The following COL6A6 variants were observed in gnomAD, a reference collection of about 807,000 sequenced individuals.
COL6A6 encodes the protein collagen type VI alpha 6 chain, also known as collagen alpha-6(VI) chain.
In COL6A6, 183 loss-of-function variants were observed where a neutral mutation model predicts 208.6. That is an observed-to-expected ratio of 0.88 (90% CI 0.78 to 0.99). COL6A6 has a LOEUF of 0.99. Among genes scored for constraint, COL6A6 ranks in the 50% least tolerant of loss-of-function variants. The probability of loss-of-function intolerance (pLI) is 0.00; values close to 1 mark genes in which losing one functional copy is unlikely to be tolerated. For missense variants in COL6A6, 2,816 were observed against 2,815.2 expected, an observed-to-expected ratio of 1.00 and a Z score of -0.01; for synonymous variants, 973 against 1,011.8, an observed-to-expected ratio of 0.96 and a Z score of 0.73.
intron 34 of COL6A6, among the ~76,000 whole-genome samples, chr3:130,659,561 T>C (rs2065886985): frequency 6.6e-6 from 1 of 152,250 alleles, no homozygotes; most frequent in Admixed American, 6.5e-5. Flanking sequence ...TCATTCAGTC[T>C]TTAAAATCAC....
intron 32 of COL6A6, 41 bp downstream of exon 32, chr3:130,645,043 A>C: frequency 6.3e-7 from 1 of 1,587,772 alleles, no homozygotes. Flanking sequence ...ATCAAGCTCT[A>C]AAATGTCATA....
At chr3:130,522,640 G>C (rs529321529) in intron 1 of COL6A6, among the ~76,000 whole-genome samples, 1 of 152,222 alleles carries the variant, frequency 6.6e-6, no homozygotes, top group South Asian at 2.1e-4. Flanking sequence ...TGCACCACAA[G>C]TCCAACAAGT....
chr3:130,616,173 G>T (rs2064514118), intron 23 of COL6A6, among the ~76,000 whole-genome samples: 1 of 152,068 alleles, frequency 6.6e-6, no homozygotes, highest in South Asian at 2.1e-4. Flanking sequence ...AGATACACAA[G>T]AGAGTATTAT....
At chr3:130,600,662 A>C in intron 20 of COL6A6, among the ~76,000 whole-genome samples, 1 of 152,192 alleles carries the variant, frequency 6.6e-6, no homozygotes, top group Middle Eastern at 3.2e-3. Context: ...GGAGTTGAAC[A>C]TTGAGAACAC....
chr3:130,579,009 C>G (rs1003060286), intron 8 of COL6A6, among the ~76,000 whole-genome samples: 28 of 152,188 alleles, frequency 1.8e-4, no homozygotes, highest in African/African-American at 6.8e-4. Context: ...CAGTCCCTAG[C>G]TATACTTTAT....
chr3:130,644,365 TCAAATGTGGCTAGTG>T (rs2065405868), intron 31 of COL6A6, among the ~76,000 whole-genome samples: 1 of 152,184 alleles, frequency 6.6e-6, no homozygotes, highest in Non-Finnish European at 1.5e-5. Context: ...TTTGAGCATT[TCAAATGTGGCTAGTG>T]CAACTGAGAA....
intron 6 of COL6A6, among the ~76,000 whole-genome samples, chr3:130,569,162 C>T (rs956949442): frequency 6.6e-6 from 1 of 152,142 alleles, no homozygotes; most frequent in African/African-American, 2.4e-5. Context: ...GGTGGCTCCT[C>T]TTTGACCTAC....
intron 29 of COL6A6, among the ~76,000 whole-genome samples, chr3:130,642,275 GTGTGTGTGTGTA>G: frequency 7.4e-6 from 1 of 135,808 alleles, no homozygotes; most frequent in South Asian, 2.6e-4. Context: ...GTGTGTGTGT[GTGTGTGTGTGTA>G]TTTTTTGTTT....
At chr3:130,584,351 G>A (rs950528585) in intron 10 of COL6A6, among the ~76,000 whole-genome samples, 14 of 152,160 alleles carry the variant, frequency 9.2e-5, no homozygotes, top group African/African-American at 3.4e-4. Context: ...TCTCTTATAA[G>A]TAGATCCATT....
rs557324831 is a variant in COL6A6 at position 130,592,732 on chromosome 3, C to G, written c.4371+10C>G. 2 of 1,606,884 alleles carry G rather than the reference C, an allele frequency of 1.2e-6. No individual in the cohort carries two copies. The highest frequency in any genetic ancestry group is 3.3e-5 in the Admixed American group (2 of 59,916). On this transcript the variant is annotated intron_variant, in intron 15 of 36. Coordinates refer to ENST00000358511, the MANE Select transcript of COL6A6 (RefSeq NM_001102608.3). ...ACTAAATGGACAGGAGGTATGTTAC[C>G]AGGCACATCCATTTACCTACCCATA...
At chr3:130,557,971 C>T (rs371805288) in intron 1 of COL6A6, among the ~76,000 whole-genome samples, 1 of 152,138 alleles carries the variant, frequency 6.6e-6, no homozygotes, top group South Asian at 2.1e-4. Flanking sequence ...TTACTTGATT[C>T]AGAATGAATT....
intron 33 of COL6A6, among the ~76,000 whole-genome samples, chr3:130,656,757 A>AC (rs920640230): frequency 6.6e-6 from 1 of 151,776 alleles, no homozygotes; most frequent in East Asian, 1.9e-4. Context: ...TGCCCTGAGA[A>AC]CCCCCCTTGG....
chr3:130,543,158 C>G (rs1486304199), intron 1 of COL6A6, among the ~76,000 whole-genome samples: 1 of 152,106 alleles, frequency 6.6e-6, no homozygotes, highest in Admixed American at 6.5e-5. Flanking sequence ...CCCACCTCGG[C>G]CTCCCAAAGT....
intron 23 of COL6A6, among the ~76,000 whole-genome samples, chr3:130,615,717 A>C (rs1419110127): frequency 6.6e-6 from 1 of 152,216 alleles, no homozygotes; most frequent in Non-Finnish European, 1.5e-5. Flanking sequence ...TTTGTTAAAG[A>C]TGGAAATGCC....
intron 24 of COL6A6, 112 bp from the exon 25 acceptor site, chr3:130,626,373 C>A: frequency 1.3e-6 from 1 of 790,856 alleles, no homozygotes; most frequent in Admixed American, 1.9e-5. Context: ...ATCACTTGCA[C>A]GACACACAGT....
At chr3:130,550,517 T>G (rs1006865790) in intron 1 of COL6A6, among the ~76,000 whole-genome samples, 19 of 152,206 alleles carry the variant, frequency 1.2e-4, no homozygotes, top group Non-Finnish European at 2.5e-4. Flanking sequence ...AAAAAGAGGT[T>G]TAATTGCACT....
intron 1 of COL6A6, among the ~76,000 whole-genome samples, chr3:130,544,346 T>C (rs2062443106): frequency 6.6e-6 from 1 of 152,352 alleles, no homozygotes; most frequent in South Asian, 2.1e-4. Context: ...GATATCCTTT[T>C]TTAAGGCTGA....
intron 24 of COL6A6, among the ~76,000 whole-genome samples, chr3:130,622,288 T>C (rs933071661): frequency 6.7e-6 from 1 of 148,870 alleles, no homozygotes; most frequent in African/African-American, 2.5e-5. Flanking sequence ...TACTGAGCGT[T>C]CGGTTGGGCT....
At position 130,519,431 on chromosome 3, in the gene COL6A6, T is replaced by C. The variant is rs773924672; in HGVS notation, c.-32+2034T>C. ...GTTGTAATCTAAGAATACTCATTCC[T>C]ACAGTCCTAAGAAATAAGTAGGAAG... On this transcript the variant is annotated intron_variant, in intron 1 of 36. Coordinates refer to ENST00000358511, the MANE Select transcript of COL6A6 (RefSeq NM_001102608.3). Among the ~76,000 whole-genome samples, 5 of 152,260 alleles carry C rather than the reference T, an allele frequency of 3.3e-5. No homozygotes were observed. In the East Asian group the frequency reaches 9.6e-4, roughly 29 times the overall value.
Sources: allele counts gnomAD v4.1 joint callset (sites outside exome capture counted in the v4.1 genomes callset), GRCh38; gene constraint gnomAD v4.1.1; transcripts MANE v1.5; gene names NCBI Gene and HGNC (gene_info 2026-07-23, HGNC 2026-07-21).